The following SYT1 variants were observed in gnomAD, a reference collection of about 807,000 sequenced individuals.
The protein encoded by SYT1 is synaptotagmin 1.
Under a neutral mutation model 44.8 loss-of-function variants are expected in SYT1, and 8 were observed. The observed-to-expected ratio is 0.18, with a 90% confidence interval of 0.10 to 0.32. The LOEUF (loss-of-function observed/expected upper bound fraction) is 0.32, where lower values mean the gene tolerates loss of function less well. Among genes scored for constraint, SYT1 ranks in the 10% least tolerant of loss-of-function variants. SYT1 has a pLI of 1.00. For synonymous variants in SYT1, 154 were observed against 188.8 expected (o/e 0.82, Z 1.51); for missense variants, 286 against 509.3 (o/e 0.56, Z 4.22).
At chr12:79,331,028 G>A (rs1211164498) in intron 8 of SYT1, among the ~76,000 whole-genome samples, 1 of 152,054 alleles carries the variant, frequency 6.6e-6, no homozygotes, top group Admixed American at 6.5e-5. Context: ...ATATTTCTTA[G>A]TGACCCCAGG....
At chr12:78,875,220 T>A (rs988098475) in intron 1 of SYT1, among the ~76,000 whole-genome samples, 1 of 151,644 alleles carries the variant, frequency 6.6e-6, no homozygotes, top group Non-Finnish European at 1.5e-5. Context: ...TTGGGAATAA[T>A]ATATTTCTTC....
chr12:79,322,568 A>C (rs73352952), intron 8 of SYT1, among the ~76,000 whole-genome samples: 1,611 of 152,168 alleles, frequency 0.011, 31 homozygotes, highest in African/African-American at 0.037. Context: ...AGGACACTTT[A>C]ATGTGCTATG....
At chr12:79,184,274 T>C (rs1273896179) in intron 3 of SYT1, among the ~76,000 whole-genome samples, 2 of 152,076 alleles carry the variant, frequency 1.3e-5, no homozygotes, top group African/African-American at 4.8e-5. Context: ...TAGGTTGTAA[T>C]GTTATCATTG....
At chr12:79,335,446 CAGGTCCGTGTTTGAAA>C (rs1393493907) in intron 8 of SYT1, among the ~76,000 whole-genome samples, 1 of 150,828 alleles carries the variant, frequency 6.6e-6, no homozygotes, top group Non-Finnish European at 1.5e-5. Flanking sequence ...ACTTCAAACA[CAGGTCCGTGTTTGAAA>C]AGGCAGTGGT....
At chr12:79,362,525 A>T (rs1883356425) in intron 9 of SYT1, among the ~76,000 whole-genome samples, 1 of 152,152 alleles carries the variant, frequency 6.6e-6, no homozygotes, top group South Asian at 2.1e-4. Context: ...ATTCATGTGT[A>T]CAACACACAG....
chr12:79,120,739 C>T (rs1007740169), intron 3 of SYT1, among the ~76,000 whole-genome samples: 1 of 151,930 alleles, frequency 6.6e-6, no homozygotes, highest in South Asian at 2.1e-4. Flanking sequence ...AGAAGATGTT[C>T]CTAAATGTCT....
At chr12:79,413,212 C>G (rs1868535059) in intron 9 of SYT1, among the ~76,000 whole-genome samples, 1 of 152,188 alleles carries the variant, frequency 6.6e-6, no homozygotes, top group African/African-American at 2.4e-5. Context: ...AAGAAAGAAG[C>G]CACCATGATC....
chr12:79,279,492 A>G (rs1272463441), intron 4 of SYT1, among the ~76,000 whole-genome samples: 1 of 152,028 alleles, frequency 6.6e-6, no homozygotes, highest in Non-Finnish European at 1.5e-5. Context: ...TAGAAGGAAA[A>G]GGAACATAAC....
At chr12:78,941,434 C>CAT (rs1555182965) in intron 1 of SYT1, among the ~76,000 whole-genome samples, 16 of 141,734 alleles carry the variant, frequency 1.1e-4, no homozygotes, top group Admixed American at 4.3e-4. Context: ...CACACACACA[C>CAT]ATTATGTAAT....
At chr12:79,076,779 G>C (rs1475151561) in intron 3 of SYT1, among the ~76,000 whole-genome samples, 1 of 152,118 alleles carries the variant, frequency 6.6e-6, no homozygotes, top group Non-Finnish European at 1.5e-5. Context: ...GGCCATCCTG[G>C]CCAACGTGGT....
chr12:79,167,244 G>C (rs1385016653), intron 3 of SYT1, among the ~76,000 whole-genome samples: 1 of 151,886 alleles, frequency 6.6e-6, no homozygotes, highest in Non-Finnish European at 1.5e-5. Context: ...GAAGACGTAG[G>C]GCATACTTTG....
At chr12:78,919,173 A>C (rs1555180625) in intron 1 of SYT1, among the ~76,000 whole-genome samples, 1 of 152,072 alleles carries the variant, frequency 6.6e-6, no homozygotes, top group Non-Finnish European at 1.5e-5. Context: ...TTGTAATGAA[A>C]GTCTGTGTAA....
chr12:79,070,529 T>C (rs1445157111), intron 3 of SYT1, among the ~76,000 whole-genome samples: 1 of 152,152 alleles, frequency 6.6e-6, no homozygotes, highest in Non-Finnish European at 1.5e-5. Flanking sequence ...TATACTTGTA[T>C]TTGAGGTTAC....
chr12:79,006,081 A>G (rs1415630764), intron 2 of SYT1, among the ~76,000 whole-genome samples: 1 of 152,176 alleles, frequency 6.6e-6, no homozygotes, highest in Non-Finnish European at 1.5e-5. Flanking sequence ...TAAAAAGTTT[A>G]GAGAGGCTTC....
chr12:79,066,263 T>C (rs932570785), intron 3 of SYT1, among the ~76,000 whole-genome samples: 1 of 152,104 alleles, frequency 6.6e-6, no homozygotes, highest in Non-Finnish European at 1.5e-5. Flanking sequence ...CCACATAGGA[T>C]AGTAGCATAT....
intron 8 of SYT1, among the ~76,000 whole-genome samples, chr12:79,311,960 G>T (rs111399579): frequency 0.01 from 1,547 of 148,732 alleles, 29 homozygotes; most frequent in African/African-American, 0.036. Flanking sequence ...ATGGCACATG[G>T]ATACATATGT....
At chr12:79,310,098 A>G (rs1027279285) in intron 8 of SYT1, among the ~76,000 whole-genome samples, 3 of 152,144 alleles carry the variant, frequency 2.0e-5, no homozygotes, top group African/African-American at 7.2e-5. Flanking sequence ...GCCCATGCCT[A>G]TGTACTGAAT....
At chr12:78,968,208 A>G (rs1868293968) in intron 1 of SYT1, among the ~76,000 whole-genome samples, 2 of 152,136 alleles carry the variant, frequency 1.3e-5, no homozygotes, top group Non-Finnish European at 2.9e-5. Context: ...GTGAACCAGT[A>G]GGGAACAGAA....
intron 1 of SYT1, among the ~76,000 whole-genome samples, chr12:78,934,645 C>T (rs915929001): frequency 1.3e-5 from 2 of 152,096 alleles, no homozygotes; most frequent in African/African-American, 2.4e-5. Context: ...GATTAATTTT[C>T]TATGTGGAAT....
Sources: allele counts gnomAD v4.1 joint callset (sites outside exome capture counted in the v4.1 genomes callset), GRCh38; gene constraint gnomAD v4.1.1; transcripts MANE v1.5; gene names NCBI Gene and HGNC (gene_info 2026-07-23, HGNC 2026-07-21).